Variants in C1GALT1 observed in about 807,000 individuals in gnomAD.
C1GALT1 encodes the protein core 1 synthase, glycoprotein-N-acetylgalactosamine 3-beta-galactosyltransferase 1.
In C1GALT1, 11 loss-of-function variants were observed where a neutral mutation model predicts 31.0. That is an observed-to-expected ratio of 0.36 (90% CI 0.22 to 0.59). C1GALT1 has a LOEUF of 0.59. Ranked by LOEUF, C1GALT1 falls within the 20% of genes least tolerant of loss-of-function variation. C1GALT1 has a pLI of 0.79. For missense variants in C1GALT1, 424 were observed against 425.2 expected (o/e 1.00, Z 0.03); for synonymous variants, 175 against 143.6 (o/e 1.22, Z -1.56).
At chr7:7,171,927 C>T (rs1358560422) in intron 2 of C1GALT1, among the ~76,000 whole-genome samples, 1 of 151,842 alleles carries the variant, frequency 6.6e-6, no homozygotes, top group Non-Finnish European at 1.5e-5. Flanking sequence ...ACATTGTGTC[C>T]CCAACAGGAG....
At chr7:7,178,553 C>T (rs745960552), upstream of C1GALT1, among the ~76,000 whole-genome samples, 13 of 152,070 alleles carry the variant, frequency 8.5e-5, no homozygotes, top group Non-Finnish European at 1.5e-4. Context: ...TCAAGGATTC[C>T]GTTGTTCTAT....
intron 1 of C1GALT1, among the ~76,000 whole-genome samples, chr7:7,195,408 C>T (rs1380076968): frequency 6.6e-6 from 1 of 152,126 alleles, no homozygotes; most frequent in Non-Finnish European, 1.5e-5. Context: ...TTTTAAATTT[C>T]CACCTTGATT....
At chr7:7,178,003 T>C (rs1052506509), upstream of C1GALT1, 1 of 222,538 alleles carries the variant, frequency 4.5e-6, no homozygotes, top group Non-Finnish European at 9.6e-6. Flanking sequence ...AGTACCTGGA[T>C]TGGGCTTACC....
chr7:7,172,705 T>C, intron 2 of C1GALT1, among the ~76,000 whole-genome samples: 1 of 152,146 alleles, frequency 6.6e-6, no homozygotes. Flanking sequence ...TTACAGAGAA[T>C]TCCCATATAT....
At chr7:7,227,995 A>G (rs1163099505) in intron 1 of C1GALT1, among the ~76,000 whole-genome samples, 1 of 152,220 alleles carries the variant, frequency 6.6e-6, no homozygotes, top group Non-Finnish European at 1.5e-5. Flanking sequence ...AAAGTGGTTA[A>G]GAGTCTGAAT....
rs57510429 is a variant in C1GALT1, at chr7:7,207,335, C to CTTTTTTTTTTTTTTTTT, written c.-18+24529_-18+24545dup. ...TCTCTGTGTTTCTCTTACTCTGTTGCTTTTTTTTTTTTTTTTTTTTTTTTT... is the reference window on the plus strand; with the variant it reads ...TCTCTGTGTTTCTCTTACTCTGTTGCTTTTTTTTTTTTTTTTTTTTTTTTTTTTTTTTTTTTTTTTTT... On this transcript the variant is annotated intron_variant, in intron 1 of 3. Transcript: ENST00000436587. Among the ~76,000 whole-genome samples, 79 of 48,006 alleles carry CTTTTTTTTTTTTTTTTT rather than the reference C, an allele frequency of 1.6e-3. 28 individuals are homozygous for CTTTTTTTTTTTTTTTTT. Among genetic ancestry groups the CTTTTTTTTTTTTTTTTT allele is most frequent in the Non-Finnish European group, 2.4e-3 (62 of 26,070 alleles). The allele number at this position is 48,006 out of a possible 152,430, so 31.5% of individuals were successfully genotyped here. A position where few individuals can be genotyped will look rare whatever the true frequency, so the allele number is the denominator to read the frequency against.
rs560534023 is a variant in C1GALT1 at position 7,219,177 on chromosome 7, A to G, written c.-17-15126A>G. 3.9e-5 allele frequency among the ~76,000 whole-genome samples: 6 copies of G among 152,352 alleles called. No homozygotes were observed. The East Asian group carries it at 9.6e-4, about 25-fold the overall frequency. On this transcript the variant is annotated intron_variant, in intron 1 of 3. Transcript: ENST00000436587. ...TTTCATAAAATACATGATTTGTGTT[A>G]ACAGGTAGAAGGTTTAACATTACTG...
chr7:7,188,358 A>C, intron 1 of C1GALT1, among the ~76,000 whole-genome samples: 1 of 152,196 alleles, frequency 6.6e-6, no homozygotes, highest in South Asian at 2.1e-4. Context: ...AGAGATGCCT[A>C]TGGTCCAGGT....
chr7:7,175,505 C>T (rs1780496036), intron 2 of C1GALT1, among the ~76,000 whole-genome samples: 1 of 152,218 alleles, frequency 6.6e-6, no homozygotes, highest in Non-Finnish European at 1.5e-5. Context: ...AAACTCTCTC[C>T]AGATTTTGCC....
At chr7:7,162,320 G>A (rs1010293664) in intron 2 of C1GALT1, among the ~76,000 whole-genome samples, 6 of 130,032 alleles carry the variant, frequency 4.6e-5, no homozygotes, top group Admixed American at 9.2e-5. Flanking sequence ...CTGTGTCCAT[G>A]TGTTCTCATT....
At chr7:7,217,676 T>C (rs977548099) in intron 1 of C1GALT1, among the ~76,000 whole-genome samples, 34 of 152,332 alleles carry the variant, frequency 2.2e-4, no homozygotes, top group African/African-American at 7.9e-4. Context: ...CTTTTGTTTT[T>C]ATGTATTTCC....
intron 1 of C1GALT1, among the ~76,000 whole-genome samples, chr7:7,186,334 A>G (rs1196397496): frequency 6.6e-6 from 1 of 152,204 alleles, no homozygotes; most frequent in African/African-American, 2.4e-5. Flanking sequence ...AGTGCTTACT[A>G]TGTGCCAGGT....
chr7:7,182,808 C>G lies in C1GALT1; in HGVS notation c.-30C>G. The G allele has an allele frequency of 1.0e-6, 1 of 985,556 alleles. No individual in the cohort carries two copies. Among genetic ancestry groups the G allele is most frequent in the Non-Finnish European group, 1.2e-6 (1 of 830,072 alleles). 61.1% of individuals were successfully genotyped at this position (985,556 alleles called of 1,614,324 possible). ...CCCCAGGAGGGGCGAGAGGGAGCCG[C>G]AGCTGATGTCAGGTATGGCCGGCGG... On this transcript the variant is annotated 5_prime_UTR_variant, in exon 1 of 4. Coordinates refer to ENST00000436587, the MANE Select transcript of C1GALT1 (RefSeq NM_020156.5).
chr7:7,205,014 A>T (rs1053354248), intron 1 of C1GALT1, among the ~76,000 whole-genome samples: 10 of 152,216 alleles, frequency 6.6e-5, no homozygotes, highest in Non-Finnish European at 1.3e-4. Flanking sequence ...ATTGTTAGGC[A>T]GAATGTTCAG....
chr7:7,216,782 T>C (rs1782263691), intron 1 of C1GALT1, among the ~76,000 whole-genome samples: 1 of 152,224 alleles, frequency 6.6e-6, no homozygotes, highest in African/African-American at 2.4e-5. Flanking sequence ...GAAGACATTT[T>C]ACTGCTAACT....
chr7:7,158,500 C>G (rs12536346), intron 2 of C1GALT1, among the ~76,000 whole-genome samples: 1 of 151,610 alleles, frequency 6.6e-6, no homozygotes, highest in Non-Finnish European at 1.5e-5. Flanking sequence ...CTGAGTATAA[C>G]GATTCCTATA....
At chr7:7,219,825 T>C (rs1170299068) in intron 1 of C1GALT1, among the ~76,000 whole-genome samples, 1 of 152,166 alleles carries the variant, frequency 6.6e-6, no homozygotes, top group Admixed American at 6.5e-5. Context: ...TAAAATTTTG[T>C]GTGGAATTGT....
chr7:7,164,727 G>A (rs1398840533), intron 2 of C1GALT1, among the ~76,000 whole-genome samples: 1 of 152,106 alleles, frequency 6.6e-6, no homozygotes, highest in African/African-American at 2.4e-5. Flanking sequence ...CCCCTATGTT[G>A]ATCAGTCATT....
chr7:7,170,124 G>T (rs1780437901), intron 2 of C1GALT1, among the ~76,000 whole-genome samples: 2 of 152,150 alleles, frequency 1.3e-5, no homozygotes, highest in Admixed American at 6.5e-5. Flanking sequence ...ATCCAGAGCT[G>T]GCAGTAATGC....
Sources: gnomAD v4.1 joint callset for allele counts (sites outside exome capture counted in the v4.1 genomes callset) on GRCh38, gnomAD v4.1.1 for gene constraint, MANE v1.5 for transcripts, NCBI Gene and HGNC (gene_info 2026-07-23, HGNC 2026-07-21) for gene names.